The following CPEB3 variants were observed in gnomAD, a reference collection of about 807,000 sequenced individuals.
The protein encoded by CPEB3 is cytoplasmic polyadenylation element binding protein 3, also known as cytoplasmic polyadenylation element-binding protein 3.
Under a neutral mutation model 67.2 loss-of-function variants are expected in CPEB3, and 20 were observed. The observed-to-expected ratio is 0.30, with a 90% CI of 0.21 to 0.43. The LOEUF is 0.43. Ranked by LOEUF, CPEB3 falls within the 20% of genes least tolerant of loss-of-function variation. The pLI is 1.00. For missense variants in CPEB3, 746 were observed against 968.6 expected (o/e 0.77, Z 3.05); for synonymous variants, 376 against 393.1 (o/e 0.96, Z 0.51).
At chr10:92,289,736 T>TAA (rs1842730542) in intron 1 of CPEB3, among the ~76,000 whole-genome samples, 4 of 50,736 alleles carry the variant, frequency 7.9e-5, no homozygotes, top group East Asian at 4.1e-4. Flanking sequence ...AAAAAAAATA[T>TAA]ATATATATAT....
chr10:92,209,676 C>T (rs1849974141), intron 2 of CPEB3, among the ~76,000 whole-genome samples: 2 of 152,026 alleles, frequency 1.3e-5, no homozygotes, highest in East Asian at 1.9e-4. Flanking sequence ...TTCAGCAGCT[C>T]ACGCTTGTAA....
At chr10:92,223,417 A>C (rs1850793716) in intron 2 of CPEB3, among the ~76,000 whole-genome samples, 1 of 152,068 alleles carries the variant, frequency 6.6e-6, no homozygotes, top group African/African-American at 2.4e-5. Context: ...TGAAAATTCT[A>C]ATCTGCCACT....
chr10:92,275,290 C>T (rs773956742), intron 1 of CPEB3, among the ~76,000 whole-genome samples: 4 of 152,148 alleles, frequency 2.6e-5, no homozygotes, highest in East Asian at 1.9e-4. Flanking sequence ...GTGTAACAAT[C>T]GAAATGTCTC....
intron 2 of CPEB3, among the ~76,000 whole-genome samples, chr10:92,222,194 CT>C (rs748320816): frequency 4.4e-3 from 613 of 139,638 alleles, no homozygotes; most frequent in Admixed American, 4.2e-3. Context: ...CTCCAAACCT[CT>C]TTTTTTTTTT....
At chr10:92,114,946 T>C (rs1844931246) in intron 6 of CPEB3, among the ~76,000 whole-genome samples, 1 of 152,238 alleles carries the variant, frequency 6.6e-6, no homozygotes, top group South Asian at 2.1e-4. Flanking sequence ...TAAAGTTGAG[T>C]TTTTGCATAT....
At chr10:92,277,262 T>C (rs774799141) in intron 1 of CPEB3, among the ~76,000 whole-genome samples, 1 of 152,226 alleles carries the variant, frequency 6.6e-6, no homozygotes, top group Non-Finnish European at 1.5e-5. Context: ...CTAAGAGTTA[T>C]ATAGTGTGAG....
At chr10:92,277,098 G>C (rs545466319) in intron 1 of CPEB3, among the ~76,000 whole-genome samples, 34 of 152,094 alleles carry the variant, frequency 2.2e-4, no homozygotes, top group African/African-American at 7.7e-4. Flanking sequence ...CCCATTCTAT[G>C]TCTTTCCACT....
chr10:92,117,110 C>T (rs886289464), intron 6 of CPEB3, among the ~76,000 whole-genome samples: 13 of 151,866 alleles, frequency 8.6e-5, no homozygotes, highest in Admixed American at 5.9e-4. Context: ...CTGCAACCTC[C>T]GCCTCCCAGG....
At chr10:92,099,292 C>T (rs1844055337) in intron 7 of CPEB3, among the ~76,000 whole-genome samples, 1 of 148,848 alleles carries the variant, frequency 6.7e-6, no homozygotes, top group Non-Finnish European at 1.5e-5. Context: ...ACATGGAGTA[C>T]AGGCATGCGC....
At chr10:92,213,517 G>A (rs541443111) in intron 2 of CPEB3, among the ~76,000 whole-genome samples, 1 of 152,290 alleles carries the variant, frequency 6.6e-6, no homozygotes, top group Non-Finnish European at 1.5e-5. Flanking sequence ...TCCTGGAATG[G>A]TAGAGTAGGA....
At position 92,239,400 on chromosome 10, in the gene CPEB3, C is replaced by A; in HGVS notation, c.951G>T (p.Trp317Cys). Residue 317 changes from tryptophan to cysteine, a missense_variant, in exon 2 of 10, where the codon TGG becomes TGT. Transcript: ENST00000265997. This position sits in a 1 kb window ranked among gnomAD's most constrained non-coding sequence, Gnocchi z 6.0. ...PRAAPLTSKSWMEDNAFRTDN... is the reference protein window; with the variant it reads ...PRAAPLTSKSCMEDNAFRTDN... Reference sequence around the variant, plus strand: ...CGGTCCGGAAAGCGTTATCCTCCATCCAGGACTTGGAAGTGAGAGGGGCCG... The same window carrying A: ...CGGTCCGGAAAGCGTTATCCTCCATACAGGACTTGGAAGTGAGAGGGGCCG... The A allele has an allele frequency of 6.2e-7, 1 of 1,605,502 alleles. No homozygotes were observed. Among genetic ancestry groups the A allele is most frequent in the South Asian group, 1.1e-5 (1 of 89,600 alleles).
At chr10:92,220,879 A>G (rs1227065452) in intron 2 of CPEB3, among the ~76,000 whole-genome samples, 1 of 152,220 alleles carries the variant, frequency 6.6e-6, no homozygotes. Flanking sequence ...AGAAAACCGT[A>G]CATAATCTAC....
rs1435776341 is a variant in CPEB3, at chr10:92,048,745, CAAGTT to C, written c.*3462_*3466del. 6.6e-6 allele frequency: 1 copy of C among 152,546 alleles called. No homozygotes were observed. Among genetic ancestry groups the C allele is most frequent in the South Asian group, 2.1e-4 (1 of 4,836 alleles). The allele number at this position is 152,546 out of a possible 1,614,324, so 9.4% of individuals were successfully genotyped here. A position where few individuals can be genotyped will look rare whatever the true frequency, so the allele number is the denominator to read the frequency against. On this transcript the variant is annotated 3_prime_UTR_variant, in exon 10 of 10. Transcript: ENST00000265997. The surrounding 1 kb of genome is among the most constrained non-coding windows in gnomAD (Gnocchi z 4.1). ...GTCACACTATTGTAAACCACATCAGCAAGTTAATACATAAAGCTTTGCATTTCAAA... is the reference window on the plus strand; with the variant it reads ...GTCACACTATTGTAAACCACATCAGCAATACATAAAGCTTTGCATTTCAAA...
intron 6 of CPEB3, among the ~76,000 whole-genome samples, chr10:92,112,126 CTTTT>C (rs201432910): frequency 1.6e-5 from 2 of 122,032 alleles, no homozygotes; most frequent in Non-Finnish European, 1.7e-5. Context: ...GACCACGTTC[CTTTT>C]TTTTTTTTTT....
intron 4 of CPEB3, 25 bp downstream of exon 4, chr10:92,180,938 T>C (rs761235285): frequency 1.2e-5 from 14 of 1,171,284 alleles, no homozygotes; most frequent in Middle Eastern, 1.9e-4. Flanking sequence ...GCTAATTTAA[T>C]AGAATATTTC....
At chr10:92,118,253 T>C (rs1052105134) in intron 6 of CPEB3, among the ~76,000 whole-genome samples, 10 of 152,156 alleles carry the variant, frequency 6.6e-5, no homozygotes, top group Non-Finnish European at 1.3e-4. Flanking sequence ...TGCCTCAGCC[T>C]ACCAAGTAGC....
At chr10:92,189,778 G>A (rs1848874427) in intron 3 of CPEB3, among the ~76,000 whole-genome samples, 2 of 139,734 alleles carry the variant, frequency 1.4e-5, no homozygotes, top group Admixed American at 7.6e-5. Flanking sequence ...GCGCAATCTC[G>A]GTCACTGCAA....
chr10:92,200,287 G>A (rs1202815241), intron 2 of CPEB3, among the ~76,000 whole-genome samples: 10 of 152,056 alleles, frequency 6.6e-5, no homozygotes, highest in African/African-American at 1.7e-4. Context: ...GCTCACGCCT[G>A]TAATCCCAGC....
rs1434955521 is a variant in CPEB3, at chr10:92,216,743, G to C, written c.1005+22603C>G. ...CAAGCCCCACGAGGAGTACCAGGAGGCTTACGACGAGTGCCTGGAGGAGGT... is the reference window on the plus strand; with the variant it reads ...CAAGCCCCACGAGGAGTACCAGGAGCCTTACGACGAGTGCCTGGAGGAGGT... On this transcript the variant is annotated intron_variant, in intron 2 of 9. Coordinates refer to ENST00000265997, the MANE Select transcript of CPEB3 (RefSeq NM_014912.5). 3.1e-6 allele frequency: 5 copies of C among 1,609,358 alleles called. No individual in the cohort carries two copies. In the Admixed American group the frequency reaches 8.3e-5, roughly 27 times the overall value.
Sources: allele counts gnomAD v4.1 joint callset (sites outside exome capture counted in the v4.1 genomes callset), GRCh38; gene constraint gnomAD v4.1.1; non-coding constraint Gnocchi (gnomAD v3.1); transcripts MANE v1.5; gene names NCBI Gene and HGNC (gene_info 2026-07-23, HGNC 2026-07-21).